The following SH3GL2 variants were observed in gnomAD, a reference collection of about 807,000 sequenced individuals.
SH3GL2 encodes SH3 domain containing GRB2 like 2, endophilin A1.
Under a neutral mutation model 46.0 loss-of-function variants are expected in SH3GL2, and 24 were observed. The observed-to-expected ratio is 0.52, with a 90% CI of 0.38 to 0.73. The LOEUF is 0.73. SH3GL2 is among the 30% of genes least tolerant of loss of function. SH3GL2 has a pLI of 0.00. For synonymous variants in SH3GL2, 196 were observed against 147.1 expected, an observed-to-expected ratio of 1.33 and a Z score of -2.40; for missense variants, 413 against 424.2, an observed-to-expected ratio of 0.97 and a Z score of 0.23.
chr9:17,621,424 A>G (rs1420088446), intron 1 of SH3GL2, among the ~76,000 whole-genome samples: 1 of 152,220 alleles, frequency 6.6e-6, no homozygotes, highest in Non-Finnish European at 1.5e-5. Flanking sequence ...TTTTTGTGGC[A>G]CCTTCATTCA....
intron 1 of SH3GL2, among the ~76,000 whole-genome samples, chr9:17,672,673 T>C (rs1343598509): frequency 6.6e-6 from 1 of 152,090 alleles, no homozygotes; most frequent in East Asian, 1.9e-4. Flanking sequence ...TAAGGAGTGA[T>C]TGATTTTATA....
intron 1 of SH3GL2, among the ~76,000 whole-genome samples, chr9:17,682,928 C>T (rs1235913779): frequency 6.6e-6 from 1 of 151,902 alleles, no homozygotes; most frequent in Non-Finnish European, 1.5e-5. Context: ...CATGCTTCTG[C>T]TGGGGTGTAG....
At chr9:17,629,013 C>G (rs2134619794) in intron 1 of SH3GL2, among the ~76,000 whole-genome samples, 1 of 150,512 alleles carries the variant, frequency 6.6e-6, no homozygotes, top group South Asian at 2.1e-4. Flanking sequence ...TTCTGTCTGT[C>G]AAACAGAAGG....
intron 1 of SH3GL2, among the ~76,000 whole-genome samples, chr9:17,617,712 C>A (rs1263311625): frequency 1.3e-5 from 2 of 152,208 alleles, no homozygotes; most frequent in Non-Finnish European, 2.9e-5. Flanking sequence ...AACTAGCTAA[C>A]TGAGTTTTCA....
chr9:17,693,695 A>G (rs1180550058), intron 1 of SH3GL2, among the ~76,000 whole-genome samples: 3 of 152,136 alleles, frequency 2.0e-5, no homozygotes, highest in African/African-American at 4.8e-5. Flanking sequence ...CCTAGATGAT[A>G]TTTTTCAAGA....
chr9:17,685,491 C>G (rs1006407546), intron 1 of SH3GL2, among the ~76,000 whole-genome samples: 3 of 152,004 alleles, frequency 2.0e-5, no homozygotes, highest in East Asian at 1.9e-4. Flanking sequence ...ATTGCCTAGC[C>G]AGGTTGACAT....
intron 1 of SH3GL2, among the ~76,000 whole-genome samples, chr9:17,706,541 C>A (rs1286372508): frequency 6.6e-6 from 1 of 152,020 alleles, no homozygotes; most frequent in Non-Finnish European, 1.5e-5. Context: ...CCATGGTAAA[C>A]TTTTATGGTC....
At chr9:17,758,260 A>G (rs1823059782) in intron 2 of SH3GL2, among the ~76,000 whole-genome samples, 2 of 152,184 alleles carry the variant, frequency 1.3e-5, no homozygotes, top group South Asian at 4.2e-4. Context: ...TCAAGTAATT[A>G]TCTGTAAGAA....
At chr9:17,758,297 A>T (rs10963249) in intron 2 of SH3GL2, among the ~76,000 whole-genome samples, 24,008 of 152,064 alleles carry the variant, frequency 0.16, 2,337 homozygotes, top group Middle Eastern at 0.25. Context: ...GCAGTGACTC[A>T]TGCCTGTAAT....
intron 2 of SH3GL2, among the ~76,000 whole-genome samples, chr9:17,760,456 A>G (rs1563842992): frequency 6.6e-6 from 1 of 151,972 alleles, no homozygotes; most frequent in African/African-American, 2.4e-5. Flanking sequence ...ATATTGGTAT[A>G]TACTGATATT....
intron 1 of SH3GL2, among the ~76,000 whole-genome samples, chr9:17,746,428 G>T (rs577889309): frequency 6.6e-6 from 1 of 152,290 alleles, no homozygotes; most frequent in Admixed American, 6.5e-5. Context: ...GTTTGCATTT[G>T]TTATTTGACA....
chr9:17,650,968 G>C (rs890834233), intron 1 of SH3GL2, among the ~76,000 whole-genome samples: 2 of 151,296 alleles, frequency 1.3e-5, no homozygotes, highest in Non-Finnish European at 2.9e-5. Context: ...CCTTTTCTCT[G>C]TTTCTCCCCT....
intron 1 of SH3GL2, among the ~76,000 whole-genome samples, chr9:17,601,451 G>A (rs1378858584): frequency 2.0e-5 from 3 of 152,144 alleles, no homozygotes; most frequent in East Asian, 1.9e-4. Context: ...TGGATTAACT[G>A]TGTGTTTGTG....
At chr9:17,703,062 T>TGG (rs1175699276) in intron 1 of SH3GL2, among the ~76,000 whole-genome samples, 1 of 151,970 alleles carries the variant, frequency 6.6e-6, no homozygotes, top group Non-Finnish European at 1.5e-5. Flanking sequence ...TCCCTCAAGA[T>TGG]GGGGACACAT....
intron 1 of SH3GL2, among the ~76,000 whole-genome samples, chr9:17,603,918 A>G (rs1023497902): frequency 6.6e-6 from 1 of 152,184 alleles, no homozygotes; most frequent in Non-Finnish European, 1.5e-5. Context: ...ACTGAATTAT[A>G]TATACACTTA....
intron 1 of SH3GL2, among the ~76,000 whole-genome samples, chr9:17,580,440 C>T (rs1357295947): frequency 6.6e-6 from 1 of 152,118 alleles, no homozygotes; most frequent in African/African-American, 2.4e-5. Flanking sequence ...GTGACAGATG[C>T]AGCATGTAAT....
chr9:17,737,962 G>A (rs141503429), intron 1 of SH3GL2, among the ~76,000 whole-genome samples: 278 of 152,178 alleles, frequency 1.8e-3, no homozygotes, highest in African/African-American at 6.4e-3. Flanking sequence ...CCAGCCTACA[G>A]GAAGCTTTTC....
intron 1 of SH3GL2, among the ~76,000 whole-genome samples, chr9:17,611,706 T>C (rs1407473201): frequency 6.6e-6 from 1 of 152,204 alleles, no homozygotes; most frequent in Non-Finnish European, 1.5e-5. Flanking sequence ...CTTTGGTCAC[T>C]GCAGTCTTCT....
chr9:17,660,229 CA>C (rs111717075), intron 1 of SH3GL2, among the ~76,000 whole-genome samples: 20,149 of 152,166 alleles, frequency 0.13, 3,750 homozygotes, highest in African/African-American at 0.42. Context: ...AACACTTAAG[CA>C]TCAGATGATT....
Sources: gnomAD v4.1 joint callset for allele counts (sites outside exome capture counted in the v4.1 genomes callset) on GRCh38, gnomAD v4.1.1 for gene constraint, MANE v1.5 for transcripts, NCBI Gene and HGNC (gene_info 2026-07-23, HGNC 2026-07-21) for gene names.